MYO3A: variants seen among roughly 807,000 people sequenced by gnomAD.
The protein encoded by MYO3A is myosin IIIA, also known as myosin-IIIa.
Under a neutral mutation model 192.7 loss-of-function variants are expected in MYO3A, and 180 were observed. The observed-to-expected ratio is 0.93, with a 90% CI of 0.83 to 1.06. MYO3A has a LOEUF of 1.06. MYO3A is among the 50% of genes least tolerant of loss of function. MYO3A has a pLI of 0.00. For missense variants in MYO3A, 1,896 were observed against 1,905.0 expected, an observed-to-expected ratio of 1.00 and a Z score of 0.09; for synonymous variants, 628 against 645.3, an observed-to-expected ratio of 0.97 and a Z score of 0.41.
rs1042044806 is a variant in MYO3A, at chr10:26,162,079, A to G, written c.3000-3988A>G. The stretch of plus-strand genomic sequence containing the variant: ...CTTTAAAAATCTGCATTATCATGCA[A>G]TGTAAAGTCAGCTGCAGGCAGCAAG... On this transcript the variant is annotated intron_variant, in intron 26 of 34. Coordinates refer to ENST00000642920, the MANE Select transcript of MYO3A (RefSeq NM_017433.5). Among the ~76,000 whole-genome samples the G allele has an allele frequency of 9.2e-5, 14 of 152,230 alleles. 1 individual carries two copies. The highest frequency in any genetic ancestry group is 5.9e-5 in the Non-Finnish European group (4 of 68,040).
At position 26,116,289 on chromosome 10, in the gene MYO3A, C is replaced by G. The variant is rs556004967; in HGVS notation, c.1777-4387C>G. On this transcript the variant is annotated intron_variant, in intron 17 of 34. Coordinates refer to ENST00000642920, the MANE Select transcript of MYO3A (RefSeq NM_017433.5). ...CCGCTCCGAGTTTCTAGTGGTTCCC[C>G]AGTAATGATTGGTATTCTTGTACGG... Among the ~76,000 whole-genome samples, 6 of 152,250 alleles carry G rather than the reference C, an allele frequency of 3.9e-5. No individual in the cohort carries two copies. The South Asian group carries it at 1.2e-3, about 32-fold the overall frequency.
chr10:26,156,004 A>G (rs569151904), intron 25 of MYO3A, among the ~76,000 whole-genome samples: 1 of 152,332 alleles, frequency 6.6e-6, no homozygotes, highest in Admixed American at 6.5e-5. Flanking sequence ...CATTCTGCAG[A>G]GAAGACTGAA....
intron 14 of MYO3A, among the ~76,000 whole-genome samples, chr10:26,072,367 A>T (rs1289748031): frequency 6.6e-6 from 1 of 152,198 alleles, no homozygotes. Context: ...TGAGATGATG[A>T]GTATTGCCAA....
rs1279610499 is a variant in MYO3A at position 26,153,884 on chromosome 10, A to T, written c.2670A>T (p.Ile890=). The T allele has an allele frequency of 2.1e-5, 34 of 1,594,692 alleles. No homozygotes were observed. The highest frequency in any genetic ancestry group is 2.8e-5 in the Non-Finnish European group (33 of 1,162,754). The change falls in exon 24 of 35, where the codon ATA becomes ATT. Residue 890 remains isoleucine, a synonymous_variant. Coordinates refer to ENST00000642920, the MANE Select transcript of MYO3A (RefSeq NM_017433.5). ...CACATTCTAAAACTAAAAATGTTAT[A>T]AACTATCAAATGAGGACTTCAGAAA... ...NLPHSKTKNV[I]NYQMRTSEKL...
intron 2 of MYO3A, among the ~76,000 whole-genome samples, chr10:25,938,989 TTGTTTAACTTA>T (rs1836300453): frequency 6.6e-6 from 1 of 152,146 alleles, no homozygotes; most frequent in South Asian, 2.1e-4. Flanking sequence ...AATGATTTTT[TTGTTTAACTTA>T]TGTACTCTCC....
Position 26,120,757 on chromosome 10 carries a change from C to T in MYO3A, c.1858C>T (p.Gln620Ter). 1 of 1,614,002 alleles carries T rather than the reference C, an allele frequency of 6.2e-7. No homozygotes were observed. The highest frequency in any genetic ancestry group is 1.3e-5 in the African/African-American group (1 of 75,016). Reference sequence around the variant, plus strand: ...ATTTTCTTCTGTGGCAACTGAACACCAGATTGACAAGAGCCACATTTCTAA... The same window carrying T: ...ATTTTCTTCTGTGGCAACTGAACACTAGATTGACAAGAGCCACATTTCTAA... ...IEFSSVATEHQIDKSHISNHT... is the reference protein window; with the variant it reads ...IEFSSVATEH The change falls in exon 18 of 35, where the codon CAG (glutamine) becomes TAG (stop). Residue 620 changes from glutamine to a stop codon, truncating the protein, a stop_gained. Coordinates refer to ENST00000642920, the MANE Select transcript of MYO3A (RefSeq NM_017433.5). LOFTEE classifies it high-confidence loss of function.
intron 24 of MYO3A, among the ~76,000 whole-genome samples, chr10:26,154,443 G>T (rs1840981701): frequency 6.6e-6 from 1 of 152,176 alleles, no homozygotes; most frequent in African/African-American, 2.4e-5. Context: ...GCCTCCCAAA[G>T]TGCTGGCATT....
chr10:25,963,494 TGTACACA>T (rs1463288953), intron 4 of MYO3A, among the ~76,000 whole-genome samples: 1 of 152,088 alleles, frequency 6.6e-6, no homozygotes, highest in Non-Finnish European at 1.5e-5. Context: ...GAGGATAACA[TGTACACA>T]GAAGGGAATA....
At chr10:26,124,712 T>G (rs1839100728) in intron 18 of MYO3A, among the ~76,000 whole-genome samples, 1 of 152,234 alleles carries the variant, frequency 6.6e-6, no homozygotes, top group South Asian at 2.1e-4. Flanking sequence ...GTTTATTATA[T>G]TCAAAAATGA....
intron 20 of MYO3A, among the ~76,000 whole-genome samples, chr10:26,136,419 C>G (rs1839849268): frequency 6.6e-6 from 1 of 152,180 alleles, no homozygotes; most frequent in African/African-American, 2.4e-5. Context: ...TGTGAAAGAA[C>G]TAAGTGTTCC....
intron 10 of MYO3A, among the ~76,000 whole-genome samples, chr10:26,063,944 GC>G (rs1417786594): frequency 2.6e-5 from 4 of 152,194 alleles, no homozygotes; most frequent in Non-Finnish European, 5.9e-5. Context: ...TTTATTGAGT[GC>G]CTACTGCATG....
chr10:26,186,467 C>T (rs1385484420), intron 31 of MYO3A, among the ~76,000 whole-genome samples: 5 of 152,056 alleles, frequency 3.3e-5, no homozygotes, highest in African/African-American at 4.8e-5. Flanking sequence ...GGTGTTTCAC[C>T]GTGTTAGCCA....
intron 4 of MYO3A, among the ~76,000 whole-genome samples, chr10:25,993,979 C>A (rs998355672): frequency 6.6e-6 from 1 of 152,046 alleles, no homozygotes; most frequent in African/African-American, 2.4e-5. Flanking sequence ...CTGAGAAGAA[C>A]GTATATTCTG....
intron 10 of MYO3A, among the ~76,000 whole-genome samples, chr10:26,031,674 T>C (rs1842807866): frequency 6.6e-6 from 1 of 152,232 alleles, no homozygotes. Context: ...TTCTATTTCA[T>C]TTTATTTTAG....
At chr10:26,075,090 C>T (rs1423920745) in intron 14 of MYO3A, among the ~76,000 whole-genome samples, 2 of 152,004 alleles carry the variant, frequency 1.3e-5, no homozygotes, top group Non-Finnish European at 2.9e-5. Flanking sequence ...TTCTATTCCA[C>T]TAGTTGATGT....
intron 4 of MYO3A, among the ~76,000 whole-genome samples, chr10:25,992,873 G>C (rs1840145968): frequency 6.6e-6 from 1 of 152,156 alleles, no homozygotes; most frequent in Non-Finnish European, 1.5e-5. Flanking sequence ...TGATCATAGT[G>C]GATAAGCTTT....
At chr10:26,206,512 G>A (rs528908342) in intron 34 of MYO3A, among the ~76,000 whole-genome samples, 30 of 151,552 alleles carry the variant, frequency 2.0e-4, no homozygotes, top group Non-Finnish European at 4.0e-4. Flanking sequence ...TCAATGGCAC[G>A]ATCTTAGCTC....
At chr10:26,162,667 A>T (rs1371256299) in intron 26 of MYO3A, among the ~76,000 whole-genome samples, 3 of 152,240 alleles carry the variant, frequency 2.0e-5, no homozygotes, top group Non-Finnish European at 4.4e-5. Flanking sequence ...TTTTATAGAA[A>T]CAATCCTCTG....
At chr10:26,090,740 G>A (rs1232369983) in intron 15 of MYO3A, among the ~76,000 whole-genome samples, 1 of 152,140 alleles carries the variant, frequency 6.6e-6, no homozygotes, top group East Asian at 1.9e-4. Flanking sequence ...TATCAATCAG[G>A]GTACTGAACA....
Sources: gnomAD v4.1 joint callset for allele counts (sites outside exome capture counted in the v4.1 genomes callset) on GRCh38, gnomAD v4.1.1 for gene constraint, MANE v1.5 for transcripts, NCBI Gene and HGNC (gene_info 2026-07-23, HGNC 2026-07-21) for gene names.